IPO11: variants seen among roughly 807,000 people sequenced by gnomAD.
IPO11 encodes the protein importin 11.
A neutral mutation model predicts 143.2 loss-of-function variants in IPO11; 66 were observed. That is an observed-to-expected ratio of 0.46 (90% CI 0.38 to 0.57). The LOEUF (loss-of-function observed/expected upper bound fraction) is 0.57. Among genes scored for constraint, IPO11 ranks in the 20% least tolerant of loss-of-function variants. The pLI, the probability that IPO11 is intolerant of heterozygous loss-of-function variation, is 0.00. For synonymous variants in IPO11, 385 were observed against 377.8 expected (o/e 1.02, Z -0.22); for missense variants, 1,026 against 1,141.0 (o/e 0.90, Z 1.45).
intron 9 of IPO11, among the ~76,000 whole-genome samples, chr5:62,479,733 CTT>C (rs1347737026): frequency 1.3e-5 from 2 of 152,154 alleles, no homozygotes; most frequent in Non-Finnish European, 1.5e-5. Flanking sequence ...GCATAAATGT[CTT>C]CTTTTGAGAA....
intron 5 of IPO11, among the ~76,000 whole-genome samples, chr5:62,462,305 T>C (rs1324932629): frequency 6.6e-6 from 1 of 152,126 alleles, no homozygotes; most frequent in Non-Finnish European, 1.5e-5. Flanking sequence ...TTTTATTCAG[T>C]CTTGTCACAG....
intron 1 of IPO11, among the ~76,000 whole-genome samples, chr5:62,424,165 A>C (rs1170973514): frequency 1.4e-5 from 2 of 146,876 alleles, no homozygotes; most frequent in African/African-American, 2.5e-5. Context: ...TTTGAGATGG[A>C]GTCTTGCTCT....
chr5:62,515,357 T>C (rs1229478991), intron 19 of IPO11, 31 bp from the exon 20 acceptor site: 7 of 1,485,200 alleles, frequency 4.7e-6, no homozygotes, highest in Non-Finnish European at 6.4e-6. Flanking sequence ...CCAATAAAAT[T>C]TTGTTGTTTC....
At chr5:62,567,050 T>C (rs1469203499) in intron 27 of IPO11, among the ~76,000 whole-genome samples, 1 of 152,190 alleles carries the variant, frequency 6.6e-6, no homozygotes, top group Non-Finnish European at 1.5e-5. Context: ...TGTTACATTT[T>C]ACCATTATTT....
chr5:62,528,189 A>G (rs1028841312), intron 21 of IPO11, among the ~76,000 whole-genome samples: 11 of 152,224 alleles, frequency 7.2e-5, no homozygotes, highest in African/African-American at 7.2e-5. Context: ...GTTTACTTAT[A>G]TAGTAGGAAA....
At chr5:62,543,598 A>C (rs1743040236) in intron 24 of IPO11, among the ~76,000 whole-genome samples, 1 of 152,044 alleles carries the variant, frequency 6.6e-6, no homozygotes, top group South Asian at 2.1e-4. Context: ...TAGTCTTGCT[A>C]GTGGTCTATC....
Position 62,484,118 on chromosome 5 carries a change from C to T in IPO11, c.1130C>T (p.Thr377Ile). Residue 377 changes from threonine (T) to isoleucine (I), a missense_variant, in exon 11 of 30, where the codon ACT (threonine) becomes ATT (isoleucine). Physicochemically the swap from Thr to Ile is moderately conservative, Grantham distance 89. Transcript: ENST00000325324. The stretch of plus-strand genomic sequence containing the variant: ...TTAGTCTCTCATTATTTCCTATTAA[C>T]TGAAGAAGAACTGACAATGTGGGAA... Reference protein sequence around the residue: ...RRLVSHYFLLTEEELTMWEED... With the variant: ...RRLVSHYFLLIEEELTMWEED... The T allele has an allele frequency of 6.2e-7, 1 of 1,609,160 alleles. No individual in the cohort carries two copies. The highest frequency in any genetic ancestry group is 8.5e-7 in the Non-Finnish European group (1 of 1,178,452).
intron 28 of IPO11, among the ~76,000 whole-genome samples, chr5:62,598,430 TTCTCTCTCTCTCTCTCTCTC>T (rs1323743350): frequency 2.2e-3 from 16 of 7,168 alleles, no homozygotes; most frequent in Non-Finnish European, 3.9e-3. Context: ...CTTTCTTTCT[TTCTCTCTCTCTCTCTCTCTC>T]TCTCTCTCTC....
rs187720045 is a variant in IPO11 at position 62,478,841 on chromosome 5, A to C, written c.828+2088A>C. ...TCACTTTCAGGCTTTTTTGTGGGGG[A>C]TAGGGCAGGGATGGCAAGAATACAT... is the stretch of plus-strand genomic sequence containing the variant. On this transcript the variant is annotated intron_variant, in intron 9 of 29. Transcript: ENST00000325324. Among the ~76,000 whole-genome samples the C allele has an allele frequency of 1.2e-4, 18 of 152,150 alleles. No homozygotes were observed. In the East Asian group the frequency reaches 2.7e-3, roughly 23 times the overall value.
intron 12 of IPO11, among the ~76,000 whole-genome samples, chr5:62,485,986 T>A (rs148273007): frequency 0.02 from 2,913 of 144,290 alleles, 89 homozygotes; most frequent in African/African-American, 0.069. Flanking sequence ...TTCTTTTTCT[T>A]TTTTTTTTTT....
In IPO11 at chr5:62,467,231, G is replaced by C. The variant is rs1745602329; in HGVS notation, c.617G>C (p.Ser206Thr). 1 of 1,613,822 alleles carries C rather than the reference G, an allele frequency of 6.2e-7. No individual in the cohort carries two copies. The highest frequency in any genetic ancestry group is 8.5e-7 in the Non-Finnish European group (1 of 1,179,962). ...VSSGNEAAIL[S>T]SLERTLLSLK... ...TCTGGCAATGAAGCTGCAATTTTGA[G>C]TTCACTAGAACGAACACTGCTATCA... Residue 206 changes from serine to threonine, a missense_variant, in exon 6 of 30, where the codon AGT (serine) becomes ACT (threonine). Coordinates refer to ENST00000325324, the MANE Select transcript of IPO11 (RefSeq NM_016338.5).
At chr5:62,572,730 C>T (rs1283523047) in intron 27 of IPO11, among the ~76,000 whole-genome samples, 4 of 151,752 alleles carry the variant, frequency 2.6e-5, no homozygotes, top group East Asian at 3.9e-4. Flanking sequence ...TACAGGATTG[C>T]GCTACCACAC....
intron 16 of IPO11, among the ~76,000 whole-genome samples, chr5:62,502,062 G>C (rs1399359683): frequency 6.6e-6 from 1 of 152,190 alleles, no homozygotes; most frequent in Non-Finnish European, 1.5e-5. Flanking sequence ...CATCTGCACA[G>C]AAGTTTCTGG....
At chr5:62,541,316 A>G (rs1742929257) in intron 24 of IPO11, among the ~76,000 whole-genome samples, 1 of 151,522 alleles carries the variant, frequency 6.6e-6, no homozygotes, top group Non-Finnish European at 1.5e-5. Context: ...GGTTGTGGTG[A>G]GCCGAGATGA....
At chr5:62,606,942 G>A (rs1745740991) in intron 29 of IPO11, among the ~76,000 whole-genome samples, 1 of 152,160 alleles carries the variant, frequency 6.6e-6, no homozygotes, top group Admixed American at 6.5e-5. Context: ...TACATCCTAA[G>A]TTTCATGCCA....
intron 5 of IPO11, among the ~76,000 whole-genome samples, chr5:62,465,911 A>C (rs921578948): frequency 1.3e-5 from 2 of 152,262 alleles, no homozygotes; most frequent in Non-Finnish European, 2.9e-5. Context: ...AGATGACTCT[A>C]ATGTGACTTG....
chr5:62,578,792 T>TAAAAAA, intron 27 of IPO11: 5 of 338,742 alleles, frequency 1.5e-5, no homozygotes, highest in South Asian at 4.4e-5. Flanking sequence ...AACGGTGACT[T>TAAAAAA]AAAAAAAAAA....
intron 24 of IPO11, among the ~76,000 whole-genome samples, chr5:62,539,080 A>T (rs2112327771): frequency 6.6e-6 from 1 of 152,328 alleles, no homozygotes; most frequent in Non-Finnish European, 1.5e-5. Flanking sequence ...GCTTAAGGAG[A>T]TCAGTAAGGA....
intron 27 of IPO11, among the ~76,000 whole-genome samples, chr5:62,586,367 G>GT (rs1744772533): frequency 6.6e-6 from 1 of 151,974 alleles, no homozygotes; most frequent in African/African-American, 2.4e-5. Context: ...CTTTGATCAT[G>GT]TAACACTGTT....
Sources: allele counts gnomAD v4.1 joint callset (sites outside exome capture counted in the v4.1 genomes callset), GRCh38; gene constraint gnomAD v4.1.1; transcripts MANE v1.5; gene names NCBI Gene and HGNC (gene_info 2026-07-23, HGNC 2026-07-21).